HEXB: variants seen among roughly 807,000 people sequenced by gnomAD.
HEXB encodes hexosaminidase subunit beta, also known as beta-hexosaminidase subunit beta.
In HEXB, 51 loss-of-function variants were observed where a neutral mutation model predicts 71.2. The observed-to-expected ratio is 0.72, with a 90% CI of 0.57 to 0.90. The LOEUF is 0.90. Among genes scored for constraint, HEXB ranks in the 40% least tolerant of loss-of-function variants. The probability of loss-of-function intolerance (pLI) is 0.00; values close to 1 mark genes in which losing one functional copy is unlikely to be tolerated. For missense variants in HEXB, 617 were observed against 677.0 expected (o/e 0.91, Z 0.98); for synonymous variants, 266 against 249.3 (o/e 1.07, Z -0.63).
At chr5:74,710,393 C>T (rs1255256836) in intron 6 of HEXB, among the ~76,000 whole-genome samples, 2 of 152,154 alleles carry the variant, frequency 1.3e-5, no homozygotes, top group African/African-American at 2.4e-5. Flanking sequence ...AGGGATGCCC[C>T]CTCTCACCAC....
intron 3 of HEXB, 90 bp downstream of exon 3, chr5:74,693,794 G>A (rs1040095211): frequency 4.7e-5 from 42 of 889,686 alleles, no homozygotes; most frequent in Admixed American, 2.1e-4. Flanking sequence ...AAACTTTGCC[G>A]CCTTAGATCC....
chr5:74,671,871 G>A (rs537753030), intron 1 of HEXB, among the ~76,000 whole-genome samples: 25 of 152,200 alleles, frequency 1.6e-4, no homozygotes, highest in East Asian at 1.5e-3. Flanking sequence ...CTGGGTGTCC[G>A]ATTCTGTCTG....
chr5:74,705,668 G>A (rs192882913), intron 6 of HEXB: 2 of 253,222 alleles, frequency 7.9e-6, no homozygotes, highest in Admixed American at 5.1e-5. Context: ...TAATTGTTTG[G>A]AAATCCATAA....
At chr5:74,675,739 G>GTAA (rs1748618592) in intron 1 of HEXB, among the ~76,000 whole-genome samples, 1 of 152,148 alleles carries the variant, frequency 6.6e-6, no homozygotes, top group Non-Finnish European at 1.5e-5. Context: ...GAAGTGATAT[G>GTAA]ACTGACTTTA....
chr5:74,655,492 G>A (rs1357341913), intron 1 of HEXB, among the ~76,000 whole-genome samples: 1 of 150,094 alleles, frequency 6.7e-6, no homozygotes, highest in African/African-American at 2.5e-5. Flanking sequence ...TTGTTTTTTT[G>A]TTTGTTTTTT....
At chr5:74,680,629 C>T (rs1748721197), upstream of HEXB, among the ~76,000 whole-genome samples, 1 of 152,162 alleles carries the variant, frequency 6.6e-6, no homozygotes, top group Non-Finnish European at 1.5e-5. Context: ...GTATACTCCT[C>T]CCTTCAAAAG....
intron 1 of HEXB, among the ~76,000 whole-genome samples, chr5:74,668,759 T>A (rs1748480907): frequency 6.6e-6 from 1 of 152,230 alleles, no homozygotes; most frequent in Non-Finnish European, 1.5e-5. Flanking sequence ...TCATTAAATG[T>A]TCTGATGGTC....
chr5:74,710,916 C>T lies in HEXB; in HGVS notation c.772-2590C>T, dbSNP rs1749524775. On this transcript the variant is annotated intron_variant, in intron 6 of 13. Transcript: ENST00000261416. ...ATCAAGCTACCAATGACTTTCTTCA[C>T]AGAATTGGAAAAAACTACTTGAAAG... Among the ~76,000 whole-genome samples the T allele has an allele frequency of 5.9e-5, 9 of 152,118 alleles. No individual in the cohort carries two copies. In the South Asian group the frequency reaches 1.9e-3, roughly 32 times the overall value.
intron 1 of HEXB, among the ~76,000 whole-genome samples, chr5:74,666,555 A>G (rs1748434652): frequency 6.6e-6 from 1 of 152,060 alleles, no homozygotes; most frequent in African/African-American, 2.4e-5. Flanking sequence ...CCGCTTCCCC[A>G]TCCCTTCCCC....
chr5:74,721,207 G>GTACTACAATCAAC lies in HEXB; in HGVS notation c.*34_*46dup. 1 of 1,488,976 alleles carries GTACTACAATCAAC rather than the reference G, an allele frequency of 6.7e-7. No homozygotes were observed. The highest frequency in any genetic ancestry group is 9.4e-7 in the Non-Finnish European group (1 of 1,066,156). The allele number at this position is 1,488,976 out of a possible 1,614,324, so 92.2% of individuals were successfully genotyped here. ...GAGGGGAAAAAGGCCACAGCAATCTGTACTACAATCAACTTTATTTTGAAA... is the reference window on the plus strand; with the variant it reads ...GAGGGGAAAAAGGCCACAGCAATCTGTACTACAATCAACTACTACAATCAACTTTATTTTGAAA... On this transcript the variant is annotated 3_prime_UTR_variant, in exon 14 of 14. Transcript: ENST00000261416.
intron 1 of HEXB, among the ~76,000 whole-genome samples, chr5:74,667,928 T>A (rs1016509276): frequency 2.0e-5 from 3 of 152,256 alleles, no homozygotes; most frequent in Middle Eastern, 3.4e-3. Context: ...TATAATAGAT[T>A]ATATTAACAT....
In HEXB at chr5:74,713,990, G is replaced by A. The variant is rs573183155; in HGVS notation, c.901+355G>A. Among the ~76,000 whole-genome samples the A allele has an allele frequency of 9.6e-4, 146 of 152,260 alleles. 2 individuals carry two copies. Among genetic ancestry groups the A allele is most frequent in the African/African-American group, 2.2e-3 (93 of 41,546 alleles). On this transcript the variant is annotated intron_variant, in intron 7 of 13. Coordinates refer to ENST00000261416, the MANE Select transcript of HEXB (RefSeq NM_000521.4). Reference sequence around the variant, plus strand: ...TGAGTAGCTGGGACTACAGGCGCCCGCCACCACGCTAATTTTTTGTATTTT... The same window carrying A: ...TGAGTAGCTGGGACTACAGGCGCCCACCACCACGCTAATTTTTTGTATTTT...
At chr5:74,671,185 C>A (rs777921431) in intron 1 of HEXB, among the ~76,000 whole-genome samples, 1 of 152,110 alleles carries the variant, frequency 6.6e-6, no homozygotes, top group Non-Finnish European at 1.5e-5. Flanking sequence ...ACAAAGTGTT[C>A]CAAGACCCAT....
intron 1 of HEXB, among the ~76,000 whole-genome samples, chr5:74,650,273 G>A (rs2173673): frequency 0.81 from 123,183 of 152,242 alleles, 50,426 homozygotes; most frequent in African/African-American, 0.94. Flanking sequence ...CTAGAAGCCA[G>A]CTCACTAGAA....
intron 6 of HEXB, chr5:74,706,273 T>A (rs975998659): frequency 2.6e-5 from 4 of 152,096 alleles, no homozygotes; most frequent in African/African-American, 9.7e-5. Context: ...AAATTAAGAG[T>A]AATCTAGACA....
chr5:74,716,516 T>C, intron 8 of HEXB, 71 bp from the exon 9 acceptor site: 1 of 868,914 alleles, frequency 1.2e-6, no homozygotes. Context: ...ATGTTAGGCA[T>C]GTATACTGCT....
At chr5:74,653,443 C>G (rs10073786) in intron 1 of HEXB, among the ~76,000 whole-genome samples, 1 of 152,138 alleles carries the variant, frequency 6.6e-6, no homozygotes, top group African/African-American at 2.4e-5. Context: ...CCTGAAACAA[C>G]AGAAGCCAGC....
intron 1 of HEXB, among the ~76,000 whole-genome samples, chr5:74,653,157 C>T (rs192484543): frequency 1.3e-5 from 2 of 152,170 alleles, no homozygotes; most frequent in African/African-American, 2.4e-5. Context: ...ATTGTGAATA[C>T]GCTTCTACAA....
intron 1 of HEXB, among the ~76,000 whole-genome samples, chr5:74,649,740 T>G (rs146718240): frequency 6.6e-6 from 1 of 152,366 alleles, no homozygotes; most frequent in East Asian, 1.9e-4. Flanking sequence ...TTAATCCACT[T>G]GTACTCTTTT....
Sources: allele counts gnomAD v4.1 joint callset (sites outside exome capture counted in the v4.1 genomes callset), GRCh38; gene constraint gnomAD v4.1.1; transcripts MANE v1.5; gene names NCBI Gene and HGNC (gene_info 2026-07-23, HGNC 2026-07-21).